The following FHOD3 variants were observed in gnomAD, a reference collection of about 807,000 sequenced individuals.
FHOD3 encodes the protein FH1/FH2 domain-containing protein 3.
FHOD3 carries 90 observed loss-of-function variants against 173.0 expected under a neutral mutation model. The ratio of observed to expected loss-of-function variants is 0.52; its 90% CI spans 0.44 to 0.62. FHOD3 has a LOEUF of 0.62. Among genes scored for constraint, FHOD3 ranks in the 20% least tolerant of loss-of-function variants. The pLI is 0.00. For missense variants in FHOD3, 1,945 were observed against 2,034.7 expected, an observed-to-expected ratio of 0.96 and a Z score of 0.85; for synonymous variants, 828 against 823.0, an observed-to-expected ratio of 1.01 and a Z score of -0.10.
intron 1 of FHOD3, among the ~76,000 whole-genome samples, chr18:36,347,525 A>C (rs1346712554): frequency 6.6e-6 from 1 of 152,244 alleles, no homozygotes; most frequent in Non-Finnish European, 1.5e-5. Flanking sequence ...CTCGGTGGCC[A>C]CAAAGAACAT....
intron 9 of FHOD3, among the ~76,000 whole-genome samples, chr18:36,617,660 C>T (rs1270124820): frequency 2.7e-5 from 4 of 148,054 alleles, no homozygotes; most frequent in Non-Finnish European, 5.9e-5. Flanking sequence ...ATTCATGCTG[C>T]ATCAAAATAT....
intron 1 of FHOD3, among the ~76,000 whole-genome samples, chr18:36,301,245 C>T (rs1351772011): frequency 6.6e-6 from 1 of 152,192 alleles, no homozygotes; most frequent in Non-Finnish European, 1.5e-5. Context: ...TCAGGCCTTT[C>T]CTGGCTGAAA....
intron 16 of FHOD3, among the ~76,000 whole-genome samples, chr18:36,688,692 T>C (rs916121991): frequency 2.0e-5 from 3 of 152,216 alleles, no homozygotes; most frequent in African/African-American, 2.4e-5. Flanking sequence ...CTGTACTTAT[T>C]TGAGCTTTCA....
At chr18:36,368,222 G>A in intron 2 of FHOD3, among the ~76,000 whole-genome samples, 1 of 152,118 alleles carries the variant, frequency 6.6e-6, no homozygotes, top group East Asian at 1.9e-4. Context: ...AGGCTAGCAG[G>A]CTGGAAATGC....
chr18:36,710,903 A>G lies in FHOD3; in HGVS notation c.2533+1512A>G, dbSNP rs942044328. On this transcript the variant is annotated intron_variant, in intron 18 of 28. Transcript: ENST00000590592. ...TTAGGAATAGCTTTAAGAATTATTA[A>G]TCATAACTGGGTTTAGCAGGCCTAA... The G allele has an allele frequency of 3.3e-5, 5 of 152,230 alleles. No individual in the cohort carries two copies. In the East Asian group the frequency reaches 9.6e-4, roughly 29 times the overall value. 9.4% of individuals were successfully genotyped at this position (152,230 alleles called of 1,614,324 possible).
chr18:36,682,130 G>T (rs900879633), intron 15 of FHOD3, among the ~76,000 whole-genome samples: 1 of 152,080 alleles, frequency 6.6e-6, no homozygotes, highest in African/African-American at 2.4e-5. Flanking sequence ...CTCATTCCAG[G>T]TTCCATATCT....
At chr18:36,333,298 G>C (rs1836515978) in intron 1 of FHOD3, among the ~76,000 whole-genome samples, 1 of 152,242 alleles carries the variant, frequency 6.6e-6, no homozygotes, top group African/African-American at 2.4e-5. Context: ...GGTAAAGACA[G>C]CTGCTGCTGG....
At chr18:36,685,849 C>T (rs920319214) in intron 15 of FHOD3, among the ~76,000 whole-genome samples, 6 of 152,110 alleles carry the variant, frequency 3.9e-5, no homozygotes, top group African/African-American at 1.4e-4. Flanking sequence ...ACCTAACCAG[C>T]AGGAACAGAA....
intron 3 of FHOD3, among the ~76,000 whole-genome samples, chr18:36,498,107 A>G (rs2145944965): frequency 6.6e-6 from 1 of 152,332 alleles, no homozygotes; most frequent in East Asian, 1.9e-4. Flanking sequence ...GGTCAAAAAA[A>G]TCACAAGGTT....
intron 18 of FHOD3, among the ~76,000 whole-genome samples, chr18:36,714,943 G>A (rs2040367701): frequency 6.6e-6 from 1 of 152,136 alleles, no homozygotes; most frequent in Non-Finnish European, 1.5e-5. Flanking sequence ...CCCTGTCAAT[G>A]CCTCCTCAAG....
chr18:36,516,343 G>T (rs2146441821), intron 5 of FHOD3, among the ~76,000 whole-genome samples: 1 of 152,324 alleles, frequency 6.6e-6, no homozygotes, highest in East Asian at 1.9e-4. Context: ...GGCCACTCAG[G>T]AAGCACAGAG....
intron 6 of FHOD3, among the ~76,000 whole-genome samples, chr18:36,578,263 G>A (rs2058727822): frequency 6.6e-6 from 1 of 152,160 alleles, no homozygotes; most frequent in South Asian, 2.1e-4. Flanking sequence ...ATGGCGGAAG[G>A]CGGAGGAGGA....
chr18:36,657,058 G>A (rs973705699), intron 13 of FHOD3, among the ~76,000 whole-genome samples: 1 of 152,148 alleles, frequency 6.6e-6, no homozygotes, highest in African/African-American at 2.4e-5. Context: ...CACTCATTTT[G>A]AAATCAGTTT....
chr18:36,385,454 T>C (rs998678257), intron 3 of FHOD3, among the ~76,000 whole-genome samples: 1 of 152,146 alleles, frequency 6.6e-6, no homozygotes, highest in Non-Finnish European at 1.5e-5. Context: ...TGAAGTGTGG[T>C]GGTGAGATCT....
chr18:36,314,634 T>G (rs1448599631), intron 1 of FHOD3, among the ~76,000 whole-genome samples: 1 of 152,206 alleles, frequency 6.6e-6, no homozygotes, highest in Non-Finnish European at 1.5e-5. Context: ...TTCTCTTTGC[T>G]GAGGGCAAGT....
chr18:36,538,363 T>C (rs2147038934), intron 5 of FHOD3, among the ~76,000 whole-genome samples: 1 of 152,250 alleles, frequency 6.6e-6, no homozygotes, highest in East Asian at 1.9e-4. Context: ...ACAATGATGA[T>C]AGAGAAAATC....
At chr18:36,730,951 C>G in intron 20 of FHOD3, 147 bp downstream of exon 20, 1 of 823,878 alleles carries the variant, frequency 1.2e-6, no homozygotes, top group Non-Finnish European at 1.8e-6. Flanking sequence ...ACGTGTTAAA[C>G]TTTTTGAGGG....
chr18:36,726,162 A>G (rs1364617481), intron 19 of FHOD3, among the ~76,000 whole-genome samples: 1 of 150,622 alleles, frequency 6.6e-6, no homozygotes, highest in Non-Finnish European at 1.5e-5. Flanking sequence ...GTAAATATAC[A>G]TGTTACATAT....
At chr18:36,594,708 C>A in intron 6 of FHOD3, 79 bp from the exon 7 acceptor site, 1 of 909,652 alleles carries the variant, frequency 1.1e-6, no homozygotes. Flanking sequence ...GTGCTGGGTG[C>A]CCGCTGCGGT....
Sources: allele counts gnomAD v4.1 joint callset (sites outside exome capture counted in the v4.1 genomes callset), GRCh38; gene constraint gnomAD v4.1.1; transcripts MANE v1.5; gene names NCBI Gene and HGNC (gene_info 2026-07-23, HGNC 2026-07-21).